The following MTDH variants were observed in gnomAD, a reference collection of about 807,000 sequenced individuals.
MTDH encodes the protein metadherin.
Under a neutral mutation model 72.7 loss-of-function variants are expected in MTDH, and 34 were observed. That is an observed-to-expected ratio of 0.47 (90% CI 0.36 to 0.62). The LOEUF is 0.62. Ranked by LOEUF, MTDH falls within the 20% of genes least tolerant of loss-of-function variation. The pLI, the probability that MTDH is intolerant of heterozygous loss-of-function variation, is 0.00. For missense variants in MTDH, 677 were observed against 699.4 expected, an observed-to-expected ratio of 0.97 and a Z score of 0.36; for synonymous variants, 266 against 268.9, an observed-to-expected ratio of 0.99 and a Z score of 0.10.
chr8:97,684,693 C>T (rs1025258192), intron 2 of MTDH, among the ~76,000 whole-genome samples: 2 of 152,146 alleles, frequency 1.3e-5, no homozygotes, highest in African/African-American at 4.8e-5. Flanking sequence ...AAGACAAAGA[C>T]AGAAAGTAGA....
intron 11 of MTDH, among the ~76,000 whole-genome samples, chr8:97,724,059 A>G (rs1312780506): frequency 4.6e-5 from 7 of 152,212 alleles, no homozygotes. Flanking sequence ...TAGTGAGCCA[A>G]GATTGCGCCA....
At position 97,678,594 on chromosome 8, in the gene MTDH, C is replaced by CTTTTTTTTTTTTTTTTT. The variant is rs35895126; in HGVS notation, c.484-8066_484-8050dup. On this transcript the variant is annotated intron_variant, in intron 2 of 11. Transcript: ENST00000336273. ...GTTTCCTTTGCTTCCTTCCTTCCTT[C>CTTTTTTTTTTTTTTTTT]TTTTTTTTTTTTTTTTTTTTTTTTG... Among the ~76,000 whole-genome samples, 56 of 85,318 alleles carry CTTTTTTTTTTTTTTTTT rather than the reference C, an allele frequency of 6.6e-4. 1 individual carries two copies. The highest frequency in any genetic ancestry group is 2.5e-3 in the African/African-American group (51 of 20,004). The allele number at this position is 85,318 out of a possible 152,430, so 56.0% of individuals were successfully genotyped here.
chr8:97,706,534 T>C lies in MTDH; in HGVS notation c.1148-92T>C, dbSNP rs998801863. 226 of 1,238,362 alleles carry C rather than the reference T, an allele frequency of 1.8e-4. 3 individuals carry two copies. Among genetic ancestry groups the C allele is most frequent in the Non-Finnish European group, 3.0e-5 (28 of 930,328 alleles). The allele number at this position is 1,238,362 out of a possible 1,614,324, so 76.7% of individuals were successfully genotyped here. On this transcript the variant is annotated intron_variant, in intron 7 of 11. Transcript: ENST00000336273. ...GGGAGACAGAACAATAACTTAAAAT[T>C]ACAGCTTAGTTGAACATAAGGAATT...
chr8:97,725,857 CTA>C lies in MTDH; in HGVS notation c.*1190_*1191del. The C allele has an allele frequency of 6.6e-6, 1 of 152,652 alleles. No homozygotes were observed. The highest frequency in any genetic ancestry group is 1.9e-4 in the East Asian group (1 of 5,186). The allele number at this position is 152,652 out of a possible 1,614,324, so 9.5% of individuals were successfully genotyped here. A position where few individuals can be genotyped will look rare whatever the true frequency, so the allele number is the denominator to read the frequency against. ...AATAAACTGGCAGGTATCTTTGTAA[CTA>C]TAAATAGTGCATGCTCAGCCATGTA... On this transcript the variant is annotated 3_prime_UTR_variant, in exon 12 of 12. Transcript: ENST00000336273.
At chr8:97,679,343 A>T (rs1812977391) in intron 2 of MTDH, among the ~76,000 whole-genome samples, 7 of 152,200 alleles carry the variant, frequency 4.6e-5, no homozygotes, top group Admixed American at 3.3e-4. Context: ...GATGATGATA[A>T]TAGTAATAAT....
chr8:97,722,644 C>G (rs1397278460), intron 10 of MTDH, among the ~76,000 whole-genome samples: 1 of 152,156 alleles, frequency 6.6e-6, no homozygotes, highest in Non-Finnish European at 1.5e-5. Context: ...ATTTGAAATT[C>G]AGTAGACATT....
chr8:97,690,352 C>T (rs979907011), intron 5 of MTDH, among the ~76,000 whole-genome samples: 6 of 152,128 alleles, frequency 3.9e-5, no homozygotes, highest in Non-Finnish European at 8.8e-5. Context: ...GCCCATGATT[C>T]TCAACCCTGG....
Position 97,729,506 on chromosome 8 carries a change from GTGTC to G in MTDH, c.*4841_*4844del, listed in dbSNP as rs1375444450. ...AATTGGATAATGGGCACCTCTAACAGTGTCTGTCAGAGTTGACATACATTGTGTA... is the reference window on the plus strand; with the variant it reads ...AATTGGATAATGGGCACCTCTAACAGTGTCAGAGTTGACATACATTGTGTA... On this transcript the variant is annotated 3_prime_UTR_variant, in exon 12 of 12. Transcript: ENST00000336273. 6.6e-6 allele frequency among the ~76,000 whole-genome samples: 1 copy of G among 152,160 alleles called. No individual in the cohort carries two copies. Among genetic ancestry groups the G allele is most frequent in the Non-Finnish European group, 1.5e-5 (1 of 68,014 alleles).
intron 6 of MTDH, chr8:97,696,159 C>T: frequency 1.3e-6 from 1 of 764,512 alleles, no homozygotes; most frequent in Non-Finnish European, 1.6e-6. Flanking sequence ...TCTTTCAAGT[C>T]TGATGCAAGT....
chr8:97,676,068 T>C (rs1812834777), intron 2 of MTDH, among the ~76,000 whole-genome samples: 2 of 151,814 alleles, frequency 1.3e-5, no homozygotes, highest in Admixed American at 6.6e-5. Flanking sequence ...GCCACCCAAG[T>C]AGCTGGGACT....
At chr8:97,677,004 CAA>C (rs57430782) in intron 2 of MTDH, among the ~76,000 whole-genome samples, 1,189 of 23,220 alleles carry the variant, frequency 0.051, 19 homozygotes, top group South Asian at 0.18. Context: ...GACTCTATCT[CAA>C]AAAAAAAAAA....
intron 1 of MTDH, among the ~76,000 whole-genome samples, chr8:97,656,366 G>A (rs954305918): frequency 6.2e-5 from 9 of 146,328 alleles, no homozygotes; most frequent in African/African-American, 1.3e-4. Context: ...GTGCAGTGGC[G>A]CGATCTCAGC....
chr8:97,666,401 A>G (rs892308793), intron 2 of MTDH, among the ~76,000 whole-genome samples: 13 of 152,226 alleles, frequency 8.5e-5, no homozygotes, highest in African/African-American at 2.9e-4. Flanking sequence ...TTTCTTTTAC[A>G]TAGCTCAATA....
intron 2 of MTDH, among the ~76,000 whole-genome samples, chr8:97,681,491 CTTTTTT>C (rs35262209): frequency 9.2e-6 from 1 of 108,868 alleles, no homozygotes; most frequent in African/African-American, 3.5e-5. Flanking sequence ...AGAATTTTTT[CTTTTTT>C]TTTTTTTTTT....
rs1563573897 is a variant in MTDH at position 97,723,044 on chromosome 8, T to G, written c.1678+9T>G. ...TGTGCCTCCTTCACAGAGTAAGTAA[T>G]CCTCATTTTTTGTTCCTTTGTACTG... On this transcript the variant is annotated intron_variant, in intron 11 of 11. Transcript: ENST00000336273. 6.2e-7 allele frequency: 1 copy of G among 1,611,674 alleles called. No homozygotes were observed. Among genetic ancestry groups the G allele is most frequent in the Admixed American group, 1.7e-5 (1 of 59,416 alleles).
rs771816843 is a variant in MTDH at position 97,690,970 on chromosome 8, A to C, written c.830A>C (p.Glu277Ala). Reference sequence around the variant, plus strand: ...CTTTAAGTTTCTTCAGGATTGAATGAAAACCTCACTGTCAATGGAGGAGGC... The same window carrying C: ...CTTTAAGTTTCTTCAGGATTGAATGCAAACCTCACTGTCAATGGAGGAGGC... ...STLQVSSGLN[E>A]NLTVNGGGWN... The change falls in exon 6 of 12, where the codon GAA becomes GCA. Residue 277 changes from glutamate to alanine, a missense_variant. By Grantham distance (107) the Glu-to-Ala change is moderately radical. Transcript: ENST00000336273. 25 of 1,611,894 alleles carry C rather than the reference A, an allele frequency of 1.6e-5. No homozygotes were observed. The highest frequency in any genetic ancestry group is 2.0e-5 in the Non-Finnish European group (24 of 1,178,956).
chr8:97,727,170 A>G lies in MTDH; in HGVS notation c.*2500A>G, dbSNP rs552058965. 6.6e-6 allele frequency: 1 copy of G among 152,186 alleles called. No individual in the cohort carries two copies. Among genetic ancestry groups the G allele is most frequent in the Admixed American group, 6.5e-5 (1 of 15,278 alleles). The allele number at this position is 152,186 out of a possible 1,614,324, so 9.4% of individuals were successfully genotyped here. A position where few individuals can be genotyped will look rare whatever the true frequency, so the allele number is the denominator to read the frequency against. Reference sequence around the variant, plus strand: ...TGCAAACTCTGTCACAAAGTATTTTAATTACCTTTTACCTTGTTTCATAGA... The same window carrying G: ...TGCAAACTCTGTCACAAAGTATTTTGATTACCTTTTACCTTGTTTCATAGA... On this transcript the variant is annotated 3_prime_UTR_variant, in exon 12 of 12. Transcript: ENST00000336273.
intron 9 of MTDH, among the ~76,000 whole-genome samples, chr8:97,716,630 C>T (rs1405054239): frequency 1.3e-5 from 2 of 151,880 alleles, no homozygotes; most frequent in Non-Finnish European, 2.9e-5. Context: ...AAGATTGTGC[C>T]ACTACACTCC....
At chr8:97,687,995 A>G (rs895528905) in intron 4 of MTDH, among the ~76,000 whole-genome samples, 6 of 152,196 alleles carry the variant, frequency 3.9e-5, no homozygotes, top group Non-Finnish European at 5.9e-5. Context: ...TCCAAGATGA[A>G]TCATGCATGT....
Sources: allele counts gnomAD v4.1 joint callset (sites outside exome capture counted in the v4.1 genomes callset), GRCh38; gene constraint gnomAD v4.1.1; transcripts MANE v1.5; gene names NCBI Gene and HGNC (gene_info 2026-07-23, HGNC 2026-07-21).